Variants in BUD13 observed in about 807,000 individuals in gnomAD.
BUD13 encodes BUD13 homolog.
In BUD13, 47 loss-of-function variants were observed where a neutral mutation model predicts 62.5. That is an observed-to-expected ratio of 0.75 (90% CI 0.60 to 0.96). The LOEUF is 0.96. Among genes scored for constraint, BUD13 ranks in the 40% least tolerant of loss-of-function variants. The pLI, the probability that BUD13 is intolerant of heterozygous loss-of-function variation, is 0.00. For missense variants in BUD13, 821 were observed against 790.9 expected (o/e 1.04, Z -0.46); for synonymous variants, 293 against 280.1 (o/e 1.05, Z -0.46).
rs1320490930 is a variant in BUD13 at position 116,761,067 on chromosome 11, ATTATTTT to A, written c.1037-122_1037-116del. On this transcript the variant is annotated intron_variant, in intron 4 of 9. Transcript: ENST00000260210. Reference sequence around the variant, plus strand: ...AAATTAAAGAATTCCTTACATTATTATTATTTTTTTTTTTTTGAGACAGTCTCAGGCT... The same window carrying A: ...AAATTAAAGAATTCCTTACATTATTATTTTTTTTTGAGACAGTCTCAGGCT... 29 of 848,050 alleles carry A rather than the reference ATTATTTT, an allele frequency of 3.4e-5. No homozygotes were observed. In the South Asian group the frequency reaches 4.5e-4, roughly 13 times the overall value. The allele number at this position is 848,050 out of a possible 1,614,324, so 52.5% of individuals were successfully genotyped here.
intron 6 of BUD13, 62 bp from the exon 7 acceptor site, chr11:116,758,469 C>A: frequency 6.4e-7 from 1 of 1,554,802 alleles, no homozygotes; most frequent in East Asian, 2.3e-5. Context: ...TCTAAGAGAT[C>A]AAATCAACCG....
At chr11:116,769,780 A>G (rs1940590412) in intron 2 of BUD13, among the ~76,000 whole-genome samples, 1 of 152,138 alleles carries the variant, frequency 6.6e-6, no homozygotes, top group Non-Finnish European at 1.5e-5. Context: ...GGCCTGGCAC[A>G]ATGGCTCACG....
chr11:116,772,768 T>G, intron 1 of BUD13, 54 bp downstream of exon 1: 2 of 1,444,270 alleles, frequency 1.4e-6, no homozygotes, highest in South Asian at 1.4e-5. Context: ...GAGGGCGGAG[T>G]TGGGAAGGGG....
intron 3 of BUD13, among the ~76,000 whole-genome samples, chr11:116,765,058 T>C (rs993609007): frequency 6.6e-6 from 1 of 152,178 alleles, no homozygotes; most frequent in Non-Finnish European, 1.5e-5. Flanking sequence ...TCCCAAAGTC[T>C]TGCCTATACA....
intron 9 of BUD13, among the ~76,000 whole-genome samples, chr11:116,753,823 C>T (rs1940281737): frequency 6.6e-6 from 1 of 152,064 alleles, no homozygotes; most frequent in Non-Finnish European, 1.5e-5. Flanking sequence ...ACAAAATAAA[C>T]CAGCTAAAAC....
intron 2 of BUD13, among the ~76,000 whole-genome samples, chr11:116,767,174 T>C (rs991698562): frequency 6.7e-6 from 1 of 150,118 alleles, no homozygotes. Context: ...GGTGACAGTG[T>C]GAGAATATGT....
At chr11:116,764,495 AGTGAGT>A in intron 3 of BUD13, among the ~76,000 whole-genome samples, 1 of 152,090 alleles carries the variant, frequency 6.6e-6, no homozygotes, top group South Asian at 2.1e-4. Context: ...AAAAGGAGTG[AGTGAGT>A]GTGAGTGTGA....
intron 1 of BUD13, 37 bp downstream of exon 1, chr11:116,772,785 G>C: frequency 1.3e-6 from 2 of 1,493,564 alleles, no homozygotes; most frequent in South Asian, 1.2e-5. Flanking sequence ...GGGGTGGCTA[G>C]ACGTCGCAGG....
chr11:116,761,012 A>C lies in BUD13; in HGVS notation c.1037-60T>G, dbSNP rs538123499. 5.9e-5 allele frequency: 81 copies of C among 1,377,084 alleles called. No individual in the cohort carries two copies. In the African/African-American group the frequency reaches 1.0e-3, roughly 18 times the overall value. The allele number at this position is 1,377,084 out of a possible 1,614,324, so 85.3% of individuals were successfully genotyped here. A position where few individuals can be genotyped will look rare whatever the true frequency, so the allele number is the denominator to read the frequency against. ...GTCCTCTAGGTGAAGAACTTACATGAAATCTCCTATGGCTGGGAGAAGAAC... is the reference window on the plus strand; with the variant it reads ...GTCCTCTAGGTGAAGAACTTACATGCAATCTCCTATGGCTGGGAGAAGAAC... On this transcript the variant is annotated intron_variant, in intron 4 of 9. Transcript: ENST00000260210.
chr11:116,770,033 G>A, intron 2 of BUD13, 96 bp downstream of exon 2: 1 of 930,156 alleles, frequency 1.1e-6, no homozygotes, highest in Non-Finnish European at 1.6e-6. Context: ...CTCCAGCTTG[G>A]GTGACAGAGC....
intron 2 of BUD13, among the ~76,000 whole-genome samples, chr11:116,768,356 G>T (rs1940567292): frequency 6.6e-6 from 1 of 152,028 alleles, no homozygotes; most frequent in South Asian, 2.1e-4. Flanking sequence ...ATATTATTTA[G>T]CAGAGGAGTA....
At chr11:116,750,001 A>G (rs1394136430) in intron 9 of BUD13, among the ~76,000 whole-genome samples, 2 of 152,250 alleles carry the variant, frequency 1.3e-5, no homozygotes, top group Non-Finnish European at 2.9e-5. Context: ...TTTGAATACA[A>G]TGCATTTGAA....
At chr11:116,767,482 A>G (rs1236598509) in intron 2 of BUD13, among the ~76,000 whole-genome samples, 1 of 149,232 alleles carries the variant, frequency 6.7e-6, no homozygotes, top group African/African-American at 2.5e-5. Flanking sequence ...AGTCCCAGCT[A>G]CTCGGGAGGC....
intron 8 of BUD13, 78 bp from the exon 9 acceptor site, chr11:116,757,305 C>G (rs954132945): frequency 1.5e-5 from 20 of 1,376,964 alleles, no homozygotes; most frequent in Non-Finnish European, 3.0e-6. Flanking sequence ...GTGGAATTTT[C>G]CTTTTTTTTT....
chr11:116,767,521 A>T lies in BUD13; in HGVS notation c.238-2075T>A, dbSNP rs893027888. ...GGCAGGAGAATGGCGTGAACCCGGG[A>T]GGCGGAGCTTGCAGTGATCCGAGAT... On this transcript the variant is annotated intron_variant, in intron 2 of 9. Transcript: ENST00000260210. 1.4e-4 allele frequency among the ~76,000 whole-genome samples: 18 copies of T among 132,828 alleles called. No individual in the cohort carries two copies. In the South Asian group the frequency reaches 1.8e-3, roughly 14 times the overall value. The allele number at this position is 132,828 out of a possible 152,430, so 87.1% of individuals were successfully genotyped here.
intron 8 of BUD13, among the ~76,000 whole-genome samples, 157 bp from the exon 9 acceptor site, chr11:116,757,384 C>T (rs1306743363): frequency 2.0e-5 from 3 of 152,138 alleles, no homozygotes; most frequent in Non-Finnish European, 4.4e-5. Flanking sequence ...CAACCTCTGC[C>T]TCCTGGGTTC....
rs1254616143 is a variant in BUD13 at position 116,763,053 on chromosome 11, C to T, written c.536G>A (p.Arg179Lys). The change falls in exon 4 of 10, where the codon AGG (arginine) becomes AAG (lysine). Residue 179 changes from arginine (R) to lysine (K), a missense_variant. This residue lies in a region of BUD13 where 800 missense variants were observed against 739.2 expected (regional missense o/e 1.08). Transcript: ENST00000260210. ...RHDSDTSPPR[R>K]IRHDSSDTSP... is the part of the protein sequence containing the mutation. ...AGTGTCTGAGGAGTCATGACGGATC[C>T]TCCTGGGAGGAGATGTGTCTGAGTC... 1 of 1,612,774 alleles carries T rather than the reference C, an allele frequency of 6.2e-7. No individual in the cohort carries two copies. Among genetic ancestry groups the T allele is most frequent in the Admixed American group, 1.7e-5 (1 of 59,924 alleles).
At chr11:116,771,308 T>G (rs1429281727) in intron 1 of BUD13, among the ~76,000 whole-genome samples, 1 of 152,176 alleles carries the variant, frequency 6.6e-6, no homozygotes, top group African/African-American at 2.4e-5. Flanking sequence ...ATCTATAAGC[T>G]CCACAAGAAC....
chr11:116,760,543 T>C (rs1487005477), intron 5 of BUD13, among the ~76,000 whole-genome samples, 192 bp downstream of exon 5: 1 of 152,236 alleles, frequency 6.6e-6, no homozygotes, highest in African/African-American at 2.4e-5. Context: ...ATCTGGTATC[T>C]GTAAGTCCAT....
Sources: gnomAD v4.1 joint callset for allele counts (sites outside exome capture counted in the v4.1 genomes callset) on GRCh38, gnomAD v4.1.1 for gene constraint, gnomAD v4.1.1 regional missense constraint, MANE v1.5 for transcripts, NCBI Gene and HGNC (gene_info 2026-07-23, HGNC 2026-07-21) for gene names.